FBLN2: variants seen among roughly 807,000 people sequenced by gnomAD.
FBLN2 encodes the protein fibulin-2.
FBLN2 carries 81 observed loss-of-function variants against 123.7 expected under a neutral mutation model. The observed-to-expected ratio is 0.65, with a 90% CI of 0.55 to 0.79. The LOEUF (loss-of-function observed/expected upper bound fraction) is 0.79, where lower values mean the gene tolerates loss of function less well. Among genes scored for constraint, FBLN2 ranks in the 30% least tolerant of loss-of-function variants. The pLI, the probability that FBLN2 is intolerant of heterozygous loss-of-function variation, is 0.00. For missense variants in FBLN2, 1,603 were observed against 1,681.3 expected (o/e 0.95, Z 0.81); for synonymous variants, 699 against 701.4 (o/e 1.00, Z 0.05).
At chr3:13,567,822 G>C (rs1057298856) in intron 1 of FBLN2, among the ~76,000 whole-genome samples, 2 of 152,108 alleles carry the variant, frequency 1.3e-5, no homozygotes, top group Non-Finnish European at 2.9e-5. Flanking sequence ...GCTGGGTGTA[G>C]TGGTGTGTGC....
intron 5 of FBLN2, among the ~76,000 whole-genome samples, chr3:13,615,646 T>C (rs1216770308): frequency 2.0e-5 from 3 of 152,234 alleles, no homozygotes; most frequent in Non-Finnish European, 4.4e-5. Context: ...GTCAAGGGCT[T>C]TTGGCAGTGC....
Position 13,555,843 on chromosome 3 carries a change from T to C in FBLN2, c.-42+6635T>C, listed in dbSNP as rs147500624. Among the ~76,000 whole-genome samples the C allele has an allele frequency of 7.2e-3, 1,093 of 152,322 alleles. 7 individuals carry two copies. The highest frequency in any genetic ancestry group is 0.025 in the African/African-American group (1,038 of 41,568). On this transcript the variant is annotated intron_variant, in intron 1 of 17. Coordinates refer to ENST00000404922, the MANE Select transcript of FBLN2 (RefSeq NM_001004019.2). ...CTAGAGACGGTCTCCAATAGCCAGA[T>C]TGGTTCAGAGGGATTCGCGGGGACA... is the stretch of plus-strand genomic sequence containing the variant.
At chr3:13,626,304 A>G in intron 9 of FBLN2, 141 bp from the exon 10 acceptor site, 10 of 796,940 alleles carry the variant, frequency 1.3e-5, no homozygotes, top group South Asian at 2.6e-5. Context: ...GTGCCGAGAC[A>G]TCAGCCACAT....
At chr3:13,576,708 T>A in intron 2 of FBLN2, among the ~76,000 whole-genome samples, 1 of 138,904 alleles carries the variant, frequency 7.2e-6, no homozygotes, top group African/African-American at 2.9e-5. Context: ...AGAGAAGGGG[T>A]GGTCAGGGGG....
intron 2 of FBLN2, among the ~76,000 whole-genome samples, chr3:13,595,563 C>T (rs1005965538): frequency 1.3e-5 from 2 of 152,146 alleles, no homozygotes; most frequent in African/African-American, 4.8e-5. Context: ...CCAAGGCTGG[C>T]GGGAACATCA....
At chr3:13,592,616 A>G (rs1373586759) in intron 2 of FBLN2, among the ~76,000 whole-genome samples, 1 of 152,238 alleles carries the variant, frequency 6.6e-6, no homozygotes, top group Non-Finnish European at 1.5e-5. Context: ...GCCCATGAAC[A>G]TGATATATCC....
At chr3:13,611,412 A>G (rs553845530) in intron 4 of FBLN2, among the ~76,000 whole-genome samples, 1 of 152,296 alleles carries the variant, frequency 6.6e-6, no homozygotes, top group African/African-American at 2.4e-5. Flanking sequence ...AACTGTTCCC[A>G]TTAAACACTA....
rs73148626 is a variant in FBLN2 at position 13,572,229 on chromosome 3, G to A, written c.1306+568G>A. Reference sequence around the variant, plus strand: ...GTGAACTCGTGGACAGAGGCGAGGTGGGTGGGCCATTTGAGCAGGGGCGCT... The same window carrying A: ...GTGAACTCGTGGACAGAGGCGAGGTAGGTGGGCCATTTGAGCAGGGGCGCT... On this transcript the variant is annotated intron_variant, in intron 2 of 17. Transcript: ENST00000404922. Among the ~76,000 whole-genome samples, 808 of 152,382 alleles carry A rather than the reference G, an allele frequency of 5.3e-3. 6 individuals are homozygous for A. The highest frequency in any genetic ancestry group is 0.019 in the African/African-American group (773 of 41,596).
intron 1 of FBLN2, among the ~76,000 whole-genome samples, chr3:13,561,732 C>T (rs1407420581): frequency 6.6e-6 from 1 of 152,188 alleles, no homozygotes; most frequent in Non-Finnish European, 1.5e-5. Flanking sequence ...TGGCTGCATG[C>T]GGGTAGGACT....
Position 13,570,423 on chromosome 3 carries a change from G to T in FBLN2, c.68G>T (p.Ser23Ile). 1 of 1,574,558 alleles carries T rather than the reference G, an allele frequency of 6.4e-7. No individual in the cohort carries two copies. Among genetic ancestry groups the T allele is most frequent in the South Asian group, 1.2e-5 (1 of 85,900 alleles). ...ALGLALALGP[S>I]VAAAAPRQDC... The stretch of plus-strand genomic sequence containing the variant: ...GGCCTGGCCCTGGCCCTGGGCCCCA[G>T]CGTGGCCGCAGCTGCCCCTCGGCAG... Residue 23 changes from serine (S) to isoleucine (I), a missense_variant, in exon 2 of 18, where the codon AGC becomes ATC. Physicochemically the swap from Ser to Ile is moderately radical, Grantham distance 142 (BLOSUM62 -2). Transcript: ENST00000404922.
intron 1 of FBLN2, chr3:13,569,056 G>T: frequency 1.0e-6 from 1 of 985,934 alleles, no homozygotes; most frequent in Non-Finnish European, 1.2e-6. Context: ...GTGACTTTGG[G>T]GAGCACGCTG....
chr3:13,614,786 C>A (rs989930201), intron 5 of FBLN2, among the ~76,000 whole-genome samples: 2 of 151,900 alleles, frequency 1.3e-5, no homozygotes, highest in Non-Finnish European at 2.9e-5. Flanking sequence ...TTTGTTTATC[C>A]ATCCATCCAT....
chr3:13,588,076 G>A (rs565968492), intron 2 of FBLN2, among the ~76,000 whole-genome samples: 8 of 151,814 alleles, frequency 5.3e-5, no homozygotes, highest in Non-Finnish European at 1.0e-4. Flanking sequence ...ACTGAGACCT[G>A]TCTCAGATTT....
In FBLN2 at chr3:13,618,146, G is replaced by T; in HGVS notation, c.1800G>T (p.Leu600=). The T allele has an allele frequency of 1.2e-6, 2 of 1,613,664 alleles. No homozygotes were observed. The highest frequency in any genetic ancestry group is 1.7e-6 in the Non-Finnish European group (2 of 1,179,910). The part of the protein sequence containing the change: ...LGTEAELPNS[L]PGDDQDECLL... ...CAGAGGCCGAGCTGCCGAACAGCCT[G>T]CCGGGCGATGACCAGGATGAGTGCC... Residue 600 remains leucine (L), a synonymous_variant, in exon 6 of 18, where the codon CTG becomes CTT. Transcript: ENST00000404922.
In FBLN2 at chr3:13,570,802, C is replaced by A. The variant is rs1005598530; in HGVS notation, c.447C>A (p.Gly149=). 1.3e-6 allele frequency: 2 copies of A among 1,596,254 alleles called. No homozygotes were observed. The highest frequency in any genetic ancestry group is 3.5e-5 in the Admixed American group (2 of 57,406). ...ACGCGGGCCACAAGTACGCCGCTGG[C>A]CACACTGTTCACCTGCCGCCCTGCC... ...CVHAGHKYAA[G]HTVHLPPCRA... Residue 149 remains glycine (G), a synonymous_variant, in exon 2 of 18, where the codon GGC becomes GGA. Transcript: ENST00000404922.
chr3:13,562,720 C>G (rs148802142), intron 1 of FBLN2, among the ~76,000 whole-genome samples: 73 of 152,306 alleles, frequency 4.8e-4, no homozygotes, highest in African/African-American at 1.7e-3. Flanking sequence ...CAGCCGTTAC[C>G]ACTATCTATT....
intron 2 of FBLN2, among the ~76,000 whole-genome samples, chr3:13,605,969 C>G (rs988833252): frequency 6.6e-6 from 1 of 152,200 alleles, no homozygotes; most frequent in African/African-American, 2.4e-5. Context: ...GTCACCCAGG[C>G]TGGAGTGCAG....
rs148224889 is a variant in FBLN2, at chr3:13,593,899, C to T, written c.1307-14163C>T. On this transcript the variant is annotated intron_variant, in intron 2 of 17. Transcript: ENST00000404922. ...AAGTATGAATTCTTCTTCTCTCAGC[C>T]CTGGAAGCAGCCGGTCTTAAGCCAG... Among the ~76,000 whole-genome samples the T allele has an allele frequency of 7.4e-4, 112 of 152,170 alleles. 3 individuals carry two copies. The East Asian group carries it at 0.017, about 23-fold the overall frequency.
At chr3:13,625,779 C>T (rs374457542) in intron 9 of FBLN2, among the ~76,000 whole-genome samples, 1 of 150,030 alleles carries the variant, frequency 6.7e-6, no homozygotes, top group East Asian at 2.0e-4. Flanking sequence ...GCCAGGGATC[C>T]TTGCTCCAAA....
Sources: gnomAD v4.1 joint callset for allele counts (sites outside exome capture counted in the v4.1 genomes callset) on GRCh38, gnomAD v4.1.1 for gene constraint, MANE v1.5 for transcripts, NCBI Gene and HGNC (gene_info 2026-07-23, HGNC 2026-07-21) for gene names.